SKAP2: variants seen among roughly 807,000 people sequenced by gnomAD.
The protein encoded by SKAP2 is src kinase-associated phosphoprotein 2.
A neutral mutation model predicts 54.9 loss-of-function variants in SKAP2; 28 were observed. The observed-to-expected ratio is 0.51, with a 90% CI of 0.38 to 0.70. The LOEUF (loss-of-function observed/expected upper bound fraction) is 0.70, where lower values mean the gene tolerates loss of function less well. SKAP2 is among the 30% of genes least tolerant of loss of function. SKAP2 has a pLI of 0.00. For missense variants in SKAP2, 356 were observed against 424.1 expected, an observed-to-expected ratio of 0.84 and a Z score of 1.41; for synonymous variants, 137 against 134.3, an observed-to-expected ratio of 1.02 and a Z score of -0.14.
chr7:26,815,293 A>G (rs986999198), intron 4 of SKAP2, among the ~76,000 whole-genome samples: 7 of 152,118 alleles, frequency 4.6e-5, no homozygotes, highest in African/African-American at 1.7e-4. Context: ...AATTAATTTT[A>G]ATCTCTCTTG....
At chr7:26,674,460 T>C (rs146963838) in intron 11 of SKAP2, among the ~76,000 whole-genome samples, 56 of 152,332 alleles carry the variant, frequency 3.7e-4, no homozygotes, top group African/African-American at 1.3e-3. Flanking sequence ...TTCTCATACA[T>C]TCATTGTTTC....
At chr7:26,764,010 T>A (rs148692264) in intron 4 of SKAP2, among the ~76,000 whole-genome samples, 20 of 152,312 alleles carry the variant, frequency 1.3e-4, no homozygotes, top group Admixed American at 2.6e-4. Flanking sequence ...TGTTCTTCTA[T>A]CATCATCTCA....
intron 4 of SKAP2, among the ~76,000 whole-genome samples, chr7:26,807,761 T>C (rs1367661976): frequency 6.6e-6 from 1 of 152,160 alleles, no homozygotes; most frequent in Non-Finnish European, 1.5e-5. Flanking sequence ...GCCACAGCCA[T>C]CCCAAACCTT....
chr7:26,756,151 T>C (rs1313757310), intron 4 of SKAP2, among the ~76,000 whole-genome samples: 2 of 152,184 alleles, frequency 1.3e-5, no homozygotes, highest in South Asian at 2.1e-4. Flanking sequence ...TATACTAATA[T>C]ATAGTGATAT....
At chr7:26,774,179 G>A (rs1783249529) in intron 4 of SKAP2, among the ~76,000 whole-genome samples, 1 of 152,068 alleles carries the variant, frequency 6.6e-6, no homozygotes, top group Non-Finnish European at 1.5e-5. Context: ...TGGTAGTGGT[G>A]GTGCATGCCT....
intron 1 of SKAP2, among the ~76,000 whole-genome samples, chr7:26,862,003 T>G (rs987148192): frequency 2.6e-5 from 4 of 152,026 alleles, no homozygotes; most frequent in African/African-American, 7.2e-5. Context: ...CCATGCATTC[T>G]AAGAGCACTC....
intron 9 of SKAP2, among the ~76,000 whole-genome samples, chr7:26,706,613 T>C (rs922014685): frequency 2.0e-5 from 3 of 152,206 alleles, no homozygotes; most frequent in African/African-American, 7.2e-5. Flanking sequence ...TTCTTTGAGA[T>C]GATATTCTCT....
chr7:26,854,978 A>T, intron 1 of SKAP2, 88 bp from the exon 2 acceptor site: 2 of 846,114 alleles, frequency 2.4e-6, no homozygotes, highest in Non-Finnish European at 3.6e-6. Flanking sequence ...GTTTCTACAT[A>T]TAAGTGTTAA....
intron 11 of SKAP2, among the ~76,000 whole-genome samples, chr7:26,683,535 T>TGGATGGAAGGAAGGAA (rs1554293151): frequency 1.4e-5 from 2 of 147,174 alleles, no homozygotes; most frequent in East Asian, 2.0e-4. Context: ...GATGGATGGA[T>TGGATGGAAGGAAGGAA]GGAAGGAAGG....
chr7:26,698,759 A>G (rs1786955549), intron 9 of SKAP2, among the ~76,000 whole-genome samples: 1 of 152,308 alleles, frequency 6.6e-6, no homozygotes, highest in Middle Eastern at 3.4e-3. Context: ...TCTGGCAGAC[A>G]TTTTCTCAAA....
chr7:26,821,164 C>A (rs1289475208), intron 4 of SKAP2, among the ~76,000 whole-genome samples: 2 of 152,046 alleles, frequency 1.3e-5, no homozygotes, highest in Admixed American at 1.3e-4. Context: ...ACTAAAAGTA[C>A]ATCTGATCTG....
At chr7:26,730,812 A>C (rs1230275755) in intron 6 of SKAP2, among the ~76,000 whole-genome samples, 2 of 152,206 alleles carry the variant, frequency 1.3e-5, no homozygotes, top group Non-Finnish European at 2.9e-5. Flanking sequence ...GGCTAATAAG[A>C]GCAATTTCCT....
At chr7:26,847,167 T>C (rs1200152252) in intron 3 of SKAP2, among the ~76,000 whole-genome samples, 2 of 152,174 alleles carry the variant, frequency 1.3e-5, no homozygotes, top group East Asian at 3.9e-4. Flanking sequence ...GCTTCACTTC[T>C]TCCTTATTTT....
intron 4 of SKAP2, 58 bp from the exon 5 acceptor site, chr7:26,740,022 C>A (rs3735547): frequency 0.1 from 106,145 of 1,063,102 alleles, 5,817 homozygotes; most frequent in Middle Eastern, 0.17. Flanking sequence ...TCAGAATAAA[C>A]AAGTGCCAGA....
At chr7:26,687,999 G>GA in intron 10 of SKAP2, among the ~76,000 whole-genome samples, 1 of 151,766 alleles carries the variant, frequency 6.6e-6, no homozygotes. Flanking sequence ...AGGTAAGAAA[G>GA]AAAAAAATTA....
At chr7:26,776,196 T>G (rs889624035) in intron 4 of SKAP2, among the ~76,000 whole-genome samples, 1 of 152,132 alleles carries the variant, frequency 6.6e-6, no homozygotes, top group African/African-American at 2.4e-5. Context: ...TAGACTCTTA[T>G]GCCCCTTATC....
chr7:26,673,786 G>A (rs212843), intron 11 of SKAP2, among the ~76,000 whole-genome samples: 1 of 152,006 alleles, frequency 6.6e-6, no homozygotes, highest in African/African-American at 2.4e-5. Context: ...TTTTGTAGTT[G>A]AAATTTTAGT....
intron 1 of SKAP2, among the ~76,000 whole-genome samples, chr7:26,861,409 T>C (rs1342149392): frequency 3.3e-5 from 5 of 152,280 alleles, no homozygotes; most frequent in Non-Finnish European, 5.9e-5. Context: ...TTGCCTGTAA[T>C]GCATATGGCA....
intron 4 of SKAP2, among the ~76,000 whole-genome samples, chr7:26,819,692 C>T (rs989193672): frequency 2.0e-5 from 3 of 152,094 alleles, no homozygotes; most frequent in Non-Finnish European, 2.9e-5. Flanking sequence ...TGTTAAAAGA[C>T]AGCATCTTTA....
Sources: gnomAD v4.1 joint callset for allele counts (sites outside exome capture counted in the v4.1 genomes callset) on GRCh38, gnomAD v4.1.1 for gene constraint, MANE v1.5 for transcripts, NCBI Gene and HGNC (gene_info 2026-07-23, HGNC 2026-07-21) for gene names.